Variants in MPP4 observed in about 807,000 individuals in gnomAD.
The protein encoded by MPP4 is MAGUK p55 subfamily member 4.
Under a neutral mutation model 98.3 loss-of-function variants are expected in MPP4, and 91 were observed. That is an observed-to-expected ratio of 0.93 (90% CI 0.78 to 1.10). The LOEUF is 1.10. Ranked by LOEUF, MPP4 falls within the 50% of genes least tolerant of loss-of-function variation. The pLI, the probability that MPP4 is intolerant of heterozygous loss-of-function variation, is 0.00. For synonymous variants in MPP4, 261 were observed against 271.8 expected, an observed-to-expected ratio of 0.96 and a Z score of 0.39; for missense variants, 744 against 792.9, an observed-to-expected ratio of 0.94 and a Z score of 0.74.
At chr2:201,656,770 G>T (rs958430708) in intron 16 of MPP4, among the ~76,000 whole-genome samples, 4 of 152,208 alleles carry the variant, frequency 2.6e-5, no homozygotes, top group Admixed American at 2.6e-4. Context: ...TCTCTGAAAG[G>T]TTGGCGTTGA....
At chr2:201,648,286 G>A (rs1447570906) in intron 20 of MPP4, among the ~76,000 whole-genome samples, 1 of 152,040 alleles carries the variant, frequency 6.6e-6, no homozygotes, top group Non-Finnish European at 1.5e-5. Flanking sequence ...GCTTTCCAAG[G>A]GATTATAGGC....
intron 3 of MPP4, among the ~76,000 whole-genome samples, chr2:201,690,995 A>G (rs1055050088): frequency 1.3e-5 from 2 of 152,222 alleles, no homozygotes; most frequent in Non-Finnish European, 2.9e-5. Context: ...ATAAGGCCCA[A>G]GGGGCCGGCT....
At chr2:201,649,028 C>T (rs778291838) in intron 20 of MPP4, among the ~76,000 whole-genome samples, 67 of 152,150 alleles carry the variant, frequency 4.4e-4, no homozygotes, top group Non-Finnish European at 8.8e-4. Flanking sequence ...CATGCCACTG[C>T]GCTCTAGTCT....
At chr2:201,659,035 C>A (rs1214798993) in intron 15 of MPP4, among the ~76,000 whole-genome samples, 5 of 151,876 alleles carry the variant, frequency 3.3e-5, no homozygotes, top group Admixed American at 1.3e-4. Flanking sequence ...TGCTGGGATT[C>A]CAGGCACGCA....
intron 10 of MPP4, among the ~76,000 whole-genome samples, chr2:201,676,715 C>G (rs1003481205): frequency 2.6e-5 from 4 of 152,138 alleles, no homozygotes; most frequent in African/African-American, 7.2e-5. Context: ...GCTTGGCCAA[C>G]ACAGTGAAAC....
chr2:201,650,035 C>A, intron 19 of MPP4, 37 bp downstream of exon 19: 11 of 1,497,984 alleles, frequency 7.3e-6, no homozygotes, highest in Non-Finnish European at 9.9e-6. Context: ...TGTAAAACAA[C>A]AAGAGGTAAG....
rs1559017024 is a variant in MPP4, at chr2:201,685,235, ATCAATGCAGCTCTGGTCTT to A, written c.493-109_493-91del. 166 of 306,546 alleles carry A rather than the reference ATCAATGCAGCTCTGGTCTT, an allele frequency of 5.4e-4. 2 individuals carry two copies. The African/African-American group carries it at 8.8e-3, about 16-fold the overall frequency. 19.0% of individuals were successfully genotyped at this position (306,546 alleles called of 1,614,324 possible). A position where few individuals can be genotyped will look rare whatever the true frequency, so the allele number is the denominator to read the frequency against. The stretch of plus-strand genomic sequence containing the variant: ...CAATCAATGCAGCTCTGGTCTTTCA[ATCAATGCAGCTCTGGTCTT>A]TCAATCAATGCAGCTCTGGTCTTTC... On this transcript the variant is annotated intron_variant, in intron 6 of 21. Transcript: ENST00000409474.
intron 9 of MPP4, 117 bp from the exon 10 acceptor site, chr2:201,681,151 T>A (rs1163831086): frequency 6.9e-6 from 7 of 1,015,028 alleles, no homozygotes; most frequent in Non-Finnish European, 1.0e-5. Context: ...CACCTGCTAC[T>A]CCTATCTTTC....
intron 18 of MPP4, chr2:201,651,354 T>G: frequency 1.0e-6 from 1 of 985,350 alleles, no homozygotes; most frequent in Non-Finnish European, 1.2e-6. Context: ...ACATCACATC[T>G]CCCATAGCTT....
At chr2:201,658,611 C>T (rs1687925415) in intron 15 of MPP4, 93 bp from the exon 16 acceptor site, 2 of 1,164,550 alleles carry the variant, frequency 1.7e-6, no homozygotes, top group Non-Finnish European at 2.5e-6. Flanking sequence ...TTTCAAGTGA[C>T]CACCTTAGTA....
chr2:201,666,415 G>A lies in MPP4; in HGVS notation c.1013-43C>T, dbSNP rs758215783. On this transcript the variant is annotated intron_variant, in intron 12 of 21. Coordinates refer to ENST00000409474, the MANE Select transcript of MPP4 (RefSeq NM_033066.3). ...AAGGGAGAAACAGAATTTAAAATGT[G>A]TCTGCATTAAAAAGAAAATTCCCGG... 3.4e-6 allele frequency: 5 copies of A among 1,454,368 alleles called. No individual in the cohort carries two copies. The South Asian group carries it at 6.6e-5, about 19-fold the overall frequency. 90.1% of individuals were successfully genotyped at this position (1,454,368 alleles called of 1,614,324 possible).
chr2:201,694,100 T>C (rs969332668), intron 1 of MPP4, 46 bp from the exon 2 acceptor site: 9 of 1,542,784 alleles, frequency 5.8e-6, no homozygotes, highest in Non-Finnish European at 7.9e-6. Flanking sequence ...CCAGGCCCTG[T>C]GCTACACACT....
At chr2:201,695,167 G>A (rs1178306040) in intron 1 of MPP4, among the ~76,000 whole-genome samples, 2 of 152,126 alleles carry the variant, frequency 1.3e-5, no homozygotes, top group Non-Finnish European at 2.9e-5. Context: ...TCCGGCTACT[G>A]CTCTGTCACC....
At position 201,693,997 on chromosome 2, in the gene MPP4, C is replaced by T. The variant is rs368489001; in HGVS notation, c.-43G>A. On this transcript the variant is annotated 5_prime_UTR_variant, in exon 2 of 22. Coordinates refer to ENST00000409474, the MANE Select transcript of MPP4 (RefSeq NM_033066.3). ...CTGAAAGGAATTCAGGACTAGGAAG[C>T]GGGTCAATACACGGCACACAGCTCA... 48 of 1,613,606 alleles carry T rather than the reference C, an allele frequency of 3.0e-5. No individual in the cohort carries two copies. Among genetic ancestry groups the T allele is most frequent in the African/African-American group, 4.0e-5 (3 of 74,906 alleles).
intron 4 of MPP4, among the ~76,000 whole-genome samples, chr2:201,687,975 C>T (rs1688887942): frequency 6.6e-6 from 1 of 152,196 alleles, no homozygotes; most frequent in African/African-American, 2.4e-5. Flanking sequence ...CCTTTCAAGA[C>T]TTTAGTCAGC....
At chr2:201,651,175 C>G in intron 18 of MPP4, 3 of 985,418 alleles carry the variant, frequency 3.0e-6, no homozygotes, top group Non-Finnish European at 3.6e-6. Flanking sequence ...AGATCAACAT[C>G]TGATGATATC....
At chr2:201,663,983 G>T in intron 14 of MPP4, 98 bp downstream of exon 14, 1 of 823,096 alleles carries the variant, frequency 1.2e-6, no homozygotes, top group South Asian at 2.7e-5. Context: ...TTTTAATGTT[G>T]ATATATTTAA....
In MPP4 at chr2:201,658,484, G is replaced by C; in HGVS notation, c.1122C>G (p.Phe374Leu). The C allele has an allele frequency of 6.2e-7, 1 of 1,612,854 alleles. No homozygotes were observed. Among genetic ancestry groups the C allele is most frequent in the Non-Finnish European group, 8.5e-7 (1 of 1,179,424 alleles). Residue 374 changes from phenylalanine to leucine, a missense_variant, in exon 16 of 22, where the codon TTC becomes TTG. By Grantham distance (22) the Phe-to-Leu change is conservative. Coordinates refer to ENST00000409474, the MANE Select transcript of MPP4 (RefSeq NM_033066.3). Reference sequence around the variant, plus strand: ...TGTTAATTTATCACCTACCTATAAAGAACTTCTGACCGTAGCCAACAAACT... The same window carrying C: ...TGTTAATTTATCACCTACCTATAAACAACTTCTGACCGTAGCCAACAAACT... ...KEEFVGYGQK[F>L]FIAGFRRSMR...
chr2:201,696,873 G>T (rs1384416196), intron 1 of MPP4, among the ~76,000 whole-genome samples: 4 of 152,180 alleles, frequency 2.6e-5, no homozygotes, highest in African/African-American at 7.2e-5. Flanking sequence ...TACAACTTAT[G>T]CAAATTCTAA....
Sources: gnomAD v4.1 joint callset for allele counts (sites outside exome capture counted in the v4.1 genomes callset) on GRCh38, gnomAD v4.1.1 for gene constraint, MANE v1.5 for transcripts, NCBI Gene and HGNC (gene_info 2026-07-23, HGNC 2026-07-21) for gene names.